CTNND2: variants seen among roughly 807,000 people sequenced by gnomAD.
The protein encoded by CTNND2 is catenin delta-2.
A neutral mutation model predicts 144.4 loss-of-function variants in CTNND2; 22 were observed. That is an observed-to-expected ratio of 0.15 (90% CI 0.11 to 0.22). The LOEUF (loss-of-function observed/expected upper bound fraction) is 0.22. Ranked by LOEUF, CTNND2 falls within the 10% of genes least tolerant of loss-of-function variation. The pLI is 1.00. For missense variants in CTNND2, 1,353 were observed against 1,618.8 expected (o/e 0.84, Z 2.82); for synonymous variants, 751 against 695.6 (o/e 1.08, Z -1.25).
intron 7 of CTNND2, among the ~76,000 whole-genome samples, chr5:11,382,602 T>TAC (rs1353766926): frequency 2.1e-5 from 2 of 97,114 alleles, no homozygotes; most frequent in Non-Finnish European, 4.9e-5. Context: ...ACTCTGTGTG[T>TAC]GTGTGTGTGT....
chr5:11,166,935 G>A (rs1759396578), intron 11 of CTNND2, among the ~76,000 whole-genome samples: 2 of 152,156 alleles, frequency 1.3e-5, no homozygotes, highest in African/African-American at 4.8e-5. Flanking sequence ...GTCGATGTTA[G>A]ATAGAGTTTA....
chr5:11,831,156 A>C (rs1316399639), intron 1 of CTNND2, among the ~76,000 whole-genome samples: 1 of 151,982 alleles, frequency 6.6e-6, no homozygotes, highest in Non-Finnish European at 1.5e-5. Context: ...AATCCTAATA[A>C]AAATTCCGGC....
At chr5:11,017,650 A>AT (rs1229726629) in intron 18 of CTNND2, among the ~76,000 whole-genome samples, 18 of 144,716 alleles carry the variant, frequency 1.2e-4, no homozygotes, top group African/African-American at 3.6e-4. Flanking sequence ...ACATTTGTTG[A>AT]TTTTTTTTTC....
At chr5:11,643,085 A>T (rs1325901644) in intron 2 of CTNND2, among the ~76,000 whole-genome samples, 1 of 152,212 alleles carries the variant, frequency 6.6e-6, no homozygotes, top group Non-Finnish European at 1.5e-5. Flanking sequence ...ATCTTCAGTT[A>T]TAATCTATGT....
At chr5:11,628,334 T>C (rs1199230895) in intron 2 of CTNND2, among the ~76,000 whole-genome samples, 2 of 152,216 alleles carry the variant, frequency 1.3e-5, no homozygotes, top group African/African-American at 4.8e-5. Flanking sequence ...ACTAAGCTCT[T>C]CTTCTGCATT....
At chr5:11,038,215 A>G (rs1744286939) in intron 16 of CTNND2, among the ~76,000 whole-genome samples, 1 of 152,202 alleles carries the variant, frequency 6.6e-6, no homozygotes, top group Admixed American at 6.5e-5. Flanking sequence ...GCCCTGGGCC[A>G]TGGAACAATA....
chr5:11,220,822 C>T lies in CTNND2; in HGVS notation c.1761+15869G>A, dbSNP rs115879612. 4.0e-3 allele frequency among the ~76,000 whole-genome samples: 612 copies of T among 152,266 alleles called. 1 individual carries two copies. Among genetic ancestry groups the T allele is most frequent in the African/African-American group, 0.014 (585 of 41,546 alleles). On this transcript the variant is annotated intron_variant, in intron 10 of 21. Transcript: ENST00000304623. The stretch of plus-strand genomic sequence containing the variant: ...GGCCTAATCTCCTAATATATCACAC[C>T]GTTTCCAGGGGACATACATTTCAAT...
chr5:11,454,999 T>C (rs989826577), intron 3 of CTNND2, among the ~76,000 whole-genome samples: 1 of 151,386 alleles, frequency 6.6e-6, no homozygotes, highest in Admixed American at 6.6e-5. Context: ...TGGCAAATAA[T>C]TTAACTCTTT....
chr5:11,030,762 T>G (rs962046742), intron 16 of CTNND2, among the ~76,000 whole-genome samples: 5 of 150,058 alleles, frequency 3.3e-5, no homozygotes, highest in African/African-American at 1.2e-4. Flanking sequence ...CTGTTTTTTT[T>G]TTTTTTTTTT....
intron 9 of CTNND2, among the ~76,000 whole-genome samples, chr5:11,261,075 C>A (rs1744813174): frequency 6.6e-6 from 1 of 152,116 alleles, no homozygotes; most frequent in Non-Finnish European, 1.5e-5. Flanking sequence ...AGATGATACC[C>A]AGCCACAGTC....
Position 11,043,932 on chromosome 5 carries a change from T to A in CTNND2, c.2789-20953A>T, listed in dbSNP as rs1358790524. Among the ~76,000 whole-genome samples, 9 of 152,220 alleles carry A rather than the reference T, an allele frequency of 5.9e-5. No individual in the cohort carries two copies. In the South Asian group the frequency reaches 1.7e-3, roughly 28 times the overall value. On this transcript the variant is annotated intron_variant, in intron 16 of 21. Transcript: ENST00000304623. ...AGTGTTTGAGTTTTCTCTTCTGAAA[T>A]TGCAATTTTTGGAAAAGTTTAAGTA...
chr5:11,853,732 C>T (rs1795122894), intron 1 of CTNND2, among the ~76,000 whole-genome samples: 1 of 152,222 alleles, frequency 6.6e-6, no homozygotes, highest in African/African-American at 2.4e-5. Flanking sequence ...AAAATCTTGG[C>T]AGTCACTCTT....
intron 16 of CTNND2, among the ~76,000 whole-genome samples, chr5:11,035,783 T>C: frequency 6.6e-6 from 1 of 151,678 alleles, no homozygotes; most frequent in Non-Finnish European, 1.5e-5. Context: ...GGATGTGCAA[T>C]AAGTTATGGA....
chr5:11,868,024 G>A (rs1034561035), intron 1 of CTNND2, among the ~76,000 whole-genome samples: 2 of 151,804 alleles, frequency 1.3e-5, no homozygotes, highest in Non-Finnish European at 2.9e-5. Context: ...TGATGGCGAA[G>A]CAGGGGCAGG....
At chr5:11,150,630 T>C (rs1395797039) in intron 12 of CTNND2, among the ~76,000 whole-genome samples, 1 of 143,316 alleles carries the variant, frequency 7.0e-6, no homozygotes, top group African/African-American at 2.6e-5. Flanking sequence ...TTTTTTTTTT[T>C]TTTTTTTTTT....
intron 7 of CTNND2, among the ~76,000 whole-genome samples, chr5:11,368,943 T>A (rs2149778512): frequency 6.6e-6 from 1 of 152,338 alleles, no homozygotes; most frequent in South Asian, 2.1e-4. Context: ...GGTGTCCTCA[T>A]GCCAATGAAT....
intron 2 of CTNND2, among the ~76,000 whole-genome samples, chr5:11,726,024 C>G (rs1041225862): frequency 6.6e-6 from 1 of 152,168 alleles, no homozygotes; most frequent in Non-Finnish European, 1.5e-5. Flanking sequence ...GCTTTGTTGG[C>G]CTGCCAGTGG....
At chr5:11,828,252 G>A (rs886479620) in intron 1 of CTNND2, among the ~76,000 whole-genome samples, 16 of 152,114 alleles carry the variant, frequency 1.1e-4, no homozygotes, top group Admixed American at 6.5e-4. Flanking sequence ...TTTCCCGGCC[G>A]GGCATGGTGG....
intron 3 of CTNND2, among the ~76,000 whole-genome samples, chr5:11,469,307 T>G (rs1424691086): frequency 1.3e-5 from 2 of 152,204 alleles, no homozygotes; most frequent in Non-Finnish European, 2.9e-5. Context: ...GATTGTAATT[T>G]ATTCCTGACC....
Sources: allele counts gnomAD v4.1 joint callset (sites outside exome capture counted in the v4.1 genomes callset), GRCh38; gene constraint gnomAD v4.1.1; transcripts MANE v1.5; gene names NCBI Gene and HGNC (gene_info 2026-07-23, HGNC 2026-07-21).